The following SLC8A1 variants were observed in gnomAD, a reference collection of about 807,000 sequenced individuals.
SLC8A1 encodes solute carrier family 8 member A1.
Under a neutral mutation model 68.3 loss-of-function variants are expected in SLC8A1, and 18 were observed. The observed-to-expected ratio is 0.26, with a 90% CI of 0.18 to 0.39. The LOEUF is 0.39. SLC8A1 is among the 10% of genes least tolerant of loss of function. The pLI is 1.00. For missense variants in SLC8A1, 985 were observed against 1,156.7 expected, an observed-to-expected ratio of 0.85 and a Z score of 2.15; for synonymous variants, 475 against 415.5, an observed-to-expected ratio of 1.14 and a Z score of -1.74.
intron 2 of SLC8A1, among the ~76,000 whole-genome samples, chr2:40,212,466 G>A (rs535755858): frequency 4.6e-5 from 7 of 151,894 alleles, no homozygotes; most frequent in African/African-American, 7.3e-5. Flanking sequence ...TGTATTTTTA[G>A]TAGAGACGGG....
chr2:40,229,740 C>A (rs1056048744), intron 2 of SLC8A1, among the ~76,000 whole-genome samples: 1 of 152,118 alleles, frequency 6.6e-6, no homozygotes, highest in African/African-American at 2.4e-5. Flanking sequence ...ACTAGCCAGG[C>A]AAAATTCGTG....
At chr2:40,315,531 A>ACTAG (rs1410883552) in intron 2 of SLC8A1, among the ~76,000 whole-genome samples, 1 of 151,166 alleles carries the variant, frequency 6.6e-6, no homozygotes, top group Admixed American at 6.6e-5. Context: ...TTAGTATTGA[A>ACTAG]CTAGCGTTTA....
At chr2:40,419,276 T>C (rs1231588233) in intron 2 of SLC8A1, among the ~76,000 whole-genome samples, 1 of 152,194 alleles carries the variant, frequency 6.6e-6, no homozygotes, top group East Asian at 1.9e-4. Flanking sequence ...TACACTTGAT[T>C]TCAAGGACAA....
chr2:40,413,888 C>T (rs1204344449), intron 2 of SLC8A1, among the ~76,000 whole-genome samples: 2 of 152,108 alleles, frequency 1.3e-5, no homozygotes, highest in African/African-American at 4.8e-5. Context: ...ATTGCAAGCA[C>T]ATGATGATGC....
intron 2 of SLC8A1, among the ~76,000 whole-genome samples, chr2:40,343,538 G>C (rs1441439154): frequency 6.6e-6 from 1 of 152,170 alleles, no homozygotes; most frequent in African/African-American, 2.4e-5. Flanking sequence ...TTGAGATCAG[G>C]TGACAGTGCT....
At chr2:40,222,816 A>G (rs2058505693) in intron 2 of SLC8A1, among the ~76,000 whole-genome samples, 1 of 152,238 alleles carries the variant, frequency 6.6e-6, no homozygotes, top group Non-Finnish European at 1.5e-5. Flanking sequence ...AGCCACAATG[A>G]GATACCATCT....
chr2:40,208,861 A>C (rs1312567853), intron 2 of SLC8A1, among the ~76,000 whole-genome samples: 1 of 152,190 alleles, frequency 6.6e-6, no homozygotes, highest in African/African-American at 2.4e-5. Context: ...GAGCACCAAT[A>C]AATGCTTACT....
chr2:40,465,107 C>T (rs1340938509), intron 1 of SLC8A1, among the ~76,000 whole-genome samples: 1 of 152,148 alleles, frequency 6.6e-6, no homozygotes, highest in Non-Finnish European at 1.5e-5. Flanking sequence ...TTGTACCACT[C>T]CCTCGGGGGC....
At chr2:40,261,597 C>A (rs1057292509) in intron 2 of SLC8A1, among the ~76,000 whole-genome samples, 2 of 152,094 alleles carry the variant, frequency 1.3e-5, no homozygotes, top group African/African-American at 2.4e-5. Context: ...TCTGGTAGAT[C>A]CTAAAAATGA....
intron 2 of SLC8A1, among the ~76,000 whole-genome samples, chr2:40,190,233 C>G (rs992326676): frequency 6.6e-6 from 1 of 152,166 alleles, no homozygotes; most frequent in East Asian, 1.9e-4. Context: ...TCAACTTCAG[C>G]CCTCATCTTC....
At chr2:40,223,448 T>C (rs749463951) in intron 2 of SLC8A1, among the ~76,000 whole-genome samples, 2 of 152,124 alleles carry the variant, frequency 1.3e-5, no homozygotes, top group Non-Finnish European at 2.9e-5. Context: ...CAAACCGTCA[T>C]GGCACGTGTA....
chr2:40,445,309 T>C (rs1007435435), intron 1 of SLC8A1, among the ~76,000 whole-genome samples: 1 of 152,164 alleles, frequency 6.6e-6, no homozygotes, highest in African/African-American at 2.4e-5. Flanking sequence ...CTAGGTTGGT[T>C]CATTTTGTTA....
chr2:40,444,547 A>T (rs890044118), intron 1 of SLC8A1, among the ~76,000 whole-genome samples: 2 of 152,118 alleles, frequency 1.3e-5, no homozygotes, highest in African/African-American at 2.4e-5. Flanking sequence ...CAAGCCCATC[A>T]ATGTTTCATT....
chr2:40,276,306 T>G (rs2066689086), intron 2 of SLC8A1, among the ~76,000 whole-genome samples: 1 of 152,108 alleles, frequency 6.6e-6, no homozygotes, highest in African/African-American at 2.4e-5. Context: ...CTTAACTGAG[T>G]GTCTTTATAA....
At chr2:40,296,709 T>A (rs950838043) in intron 2 of SLC8A1, among the ~76,000 whole-genome samples, 1 of 152,224 alleles carries the variant, frequency 6.6e-6, no homozygotes, top group Non-Finnish European at 1.5e-5. Flanking sequence ...TTTACTCTTG[T>A]TATGTTTTAT....
intron 6 of SLC8A1, among the ~76,000 whole-genome samples, chr2:40,140,523 T>C (rs924187755): frequency 3.3e-5 from 5 of 152,220 alleles, no homozygotes; most frequent in African/African-American, 9.6e-5. Context: ...AGAGAACTTA[T>C]TAGAAATTCA....
exon 8 of SLC8A1, chr2:40,111,136 A>T (rs903536763): frequency 1.6e-4 from 25 of 152,192 alleles, no homozygotes; most frequent in African/African-American, 5.5e-4. Flanking sequence ...AATTAGTGCT[A>T]TTAGGCTATG....
At chr2:40,340,262 G>A (rs956881007) in intron 2 of SLC8A1, among the ~76,000 whole-genome samples, 1 of 151,990 alleles carries the variant, frequency 6.6e-6, no homozygotes. Context: ...TGGTAAGCTC[G>A]TCAAGAAGGG....
intron 2 of SLC8A1, among the ~76,000 whole-genome samples, chr2:40,200,219 T>TAA (rs1558722197): frequency 1.4e-3 from 4 of 2,926 alleles, no homozygotes; most frequent in Non-Finnish European, 9.6e-4. Context: ...TATATATATA[T>TAA]TTTTTTATAT....
Sources: allele counts gnomAD v4.1 joint callset (sites outside exome capture counted in the v4.1 genomes callset), GRCh38; gene constraint gnomAD v4.1.1; transcripts MANE v1.5; gene names NCBI Gene and HGNC (gene_info 2026-07-23, HGNC 2026-07-21).